The following ATE1 variants were observed in gnomAD, a reference collection of about 807,000 sequenced individuals.
The protein encoded by ATE1 is arginyltransferase 1.
A neutral mutation model predicts 70.5 loss-of-function variants in ATE1; 36 were observed. The observed-to-expected ratio is 0.51, with a 90% CI of 0.39 to 0.67. ATE1 has a LOEUF of 0.67. Ranked by LOEUF, ATE1 falls within the 30% of genes least tolerant of loss-of-function variation. The pLI is 0.00. For synonymous variants in ATE1, 232 were observed against 219.3 expected, an observed-to-expected ratio of 1.06 and a Z score of -0.51; for missense variants, 593 against 629.5, an observed-to-expected ratio of 0.94 and a Z score of 0.62.
At chr10:121,891,275 A>G (rs1950569789) in intron 7 of ATE1, among the ~76,000 whole-genome samples, 1 of 152,100 alleles carries the variant, frequency 6.6e-6, no homozygotes, top group Admixed American at 6.5e-5. Flanking sequence ...CCTCGAAAAG[A>G]CTGACCCTCC....
chr10:121,769,585 G>A (rs899947652), intron 11 of ATE1, among the ~76,000 whole-genome samples: 5 of 152,140 alleles, frequency 3.3e-5, no homozygotes, highest in Admixed American at 2.0e-4. Context: ...TTTGCTCTGC[G>A]AAAAACCCTG....
chr10:121,855,099 C>T (rs1426729475), intron 8 of ATE1, among the ~76,000 whole-genome samples: 2 of 152,158 alleles, frequency 1.3e-5, no homozygotes, highest in Non-Finnish European at 2.9e-5. Flanking sequence ...GATGAGGGGG[C>T]ATTCTTATAA....
intron 6 of ATE1, among the ~76,000 whole-genome samples, chr10:121,900,333 G>A (rs1407844765): frequency 1.3e-5 from 2 of 152,064 alleles, no homozygotes; most frequent in Admixed American, 1.3e-4. Context: ...CTCTAGTTGT[G>A]CACAACTACC....
At chr10:121,802,412 G>A (rs1279560265) in intron 10 of ATE1, among the ~76,000 whole-genome samples, 1 of 151,758 alleles carries the variant, frequency 6.6e-6, no homozygotes, top group Admixed American at 6.6e-5. Flanking sequence ...AGGTTCAAGT[G>A]ATTCTCCTGC....
At chr10:121,813,736 G>A (rs1176670141) in intron 10 of ATE1, among the ~76,000 whole-genome samples, 1 of 152,152 alleles carries the variant, frequency 6.6e-6, no homozygotes, top group African/African-American at 2.4e-5. Flanking sequence ...GGTTATTTAT[G>A]TCCCCTCAGC....
chr10:121,858,554 C>G (rs1949333406), intron 8 of ATE1, among the ~76,000 whole-genome samples: 1 of 149,266 alleles, frequency 6.7e-6, no homozygotes, highest in African/African-American at 2.5e-5. Context: ...CTTTGGATAC[C>G]CGAATAGTTT....
chr10:121,797,297 G>A lies in ATE1; in HGVS notation c.1258-7008C>T, dbSNP rs138382131. ...AGAGGAGGAGCAAAAAATGTTTCCA[G>A]CAAGCCCTAGTGATCCATTTTTTTG... On this transcript the variant is annotated intron_variant, in intron 10 of 11. Coordinates refer to ENST00000224652, the MANE Select transcript of ATE1 (RefSeq NM_001001976.3). Among the ~76,000 whole-genome samples the A allele has an allele frequency of 2.0e-3, 306 of 152,262 alleles. 1 individual carries two copies. The highest frequency in any genetic ancestry group is 3.4e-3 in the Non-Finnish European group (234 of 68,014).
At chr10:121,895,240 C>T (rs1214721640) in intron 7 of ATE1, among the ~76,000 whole-genome samples, 1 of 152,142 alleles carries the variant, frequency 6.6e-6, no homozygotes, top group Non-Finnish European at 1.5e-5. Flanking sequence ...CGTATACACC[C>T]AAGAAAATAC....
chr10:121,874,042 C>T (rs1949950138), intron 7 of ATE1, among the ~76,000 whole-genome samples: 1 of 152,084 alleles, frequency 6.6e-6, no homozygotes, highest in Admixed American at 6.5e-5. Flanking sequence ...ACTTATTGTA[C>T]CCTACTTCCA....
chr10:121,892,569 C>T (rs566914961), intron 7 of ATE1, among the ~76,000 whole-genome samples: 5 of 151,214 alleles, frequency 3.3e-5, no homozygotes, highest in African/African-American at 1.2e-4. Context: ...CGCAATGGCA[C>T]CATCTCGGCT....
At chr10:121,756,111 C>A (rs1944788708) in intron 11 of ATE1, among the ~76,000 whole-genome samples, 1 of 152,088 alleles carries the variant, frequency 6.6e-6, no homozygotes, top group Non-Finnish European at 1.5e-5. Flanking sequence ...ATAGCCGTTC[C>A]AAATGGGAGA....
At chr10:121,902,693 T>C (rs1183906754) in intron 5 of ATE1, 73 bp from the exon 6 acceptor site, 1 of 1,414,560 alleles carries the variant, frequency 7.1e-7, no homozygotes, top group African/African-American at 1.4e-5. Flanking sequence ...TCTCAAAGAT[T>C]CTACAGTGTA....
intron 11 of ATE1, among the ~76,000 whole-genome samples, chr10:121,761,358 C>T (rs1945031255): frequency 6.6e-6 from 1 of 152,194 alleles, no homozygotes; most frequent in African/African-American, 2.4e-5. Flanking sequence ...CTGTCAACAT[C>T]AAGGCAAAAC....
At chr10:121,788,853 C>A (rs1481972446) in intron 11 of ATE1, among the ~76,000 whole-genome samples, 1 of 152,218 alleles carries the variant, frequency 6.6e-6, no homozygotes, top group African/African-American at 2.4e-5. Context: ...CAACTTAATG[C>A]AACCCATCCT....
At chr10:121,773,915 T>C (rs1257282825) in intron 11 of ATE1, among the ~76,000 whole-genome samples, 1 of 152,222 alleles carries the variant, frequency 6.6e-6, no homozygotes, top group Non-Finnish European at 1.5e-5. Context: ...TTCAAGTACA[T>C]AGTTATGAAA....
intron 7 of ATE1, among the ~76,000 whole-genome samples, chr10:121,897,791 A>C (rs1483605151): frequency 6.7e-6 from 1 of 149,160 alleles, no homozygotes. Flanking sequence ...GCGCCACTGC[A>C]CTCCAGCCTG....
intron 7 of ATE1, among the ~76,000 whole-genome samples, chr10:121,878,789 T>A (rs11200207): frequency 6.6e-6 from 1 of 151,894 alleles, no homozygotes; most frequent in Non-Finnish European, 1.5e-5. Flanking sequence ...TCTTAGCAAT[T>A]ATCTAGTTCA....
intron 10 of ATE1, among the ~76,000 whole-genome samples, chr10:121,835,489 A>AG (rs1406066116): frequency 4.5e-5 from 5 of 110,162 alleles, no homozygotes; most frequent in African/African-American, 1.4e-4. Flanking sequence ...AGGCTGGGGG[A>AG]GGGGGGTGGG....
intron 3 of ATE1, among the ~76,000 whole-genome samples, chr10:121,915,680 G>A (rs1407056215): frequency 2.0e-5 from 3 of 152,026 alleles, no homozygotes; most frequent in Non-Finnish European, 4.4e-5. Context: ...ACGAGGTCAG[G>A]AGATCGAGAC....
Sources: allele counts gnomAD v4.1 joint callset (sites outside exome capture counted in the v4.1 genomes callset), GRCh38; gene constraint gnomAD v4.1.1; transcripts MANE v1.5; gene names NCBI Gene and HGNC (gene_info 2026-07-23, HGNC 2026-07-21).